Variants in NKAIN3 observed in about 807,000 individuals in gnomAD.
NKAIN3 encodes the protein sodium/potassium transporting ATPase interacting 3, also known as sodium/potassium-transporting ATPase subunit beta-1-interacting protein 3.
In NKAIN3, 25 loss-of-function variants were observed where a neutral mutation model predicts 30.2. The ratio of observed to expected loss-of-function variants is 0.83; its 90% CI spans 0.60 to 1.16. NKAIN3 has a LOEUF of 1.16. Among genes scored for constraint, NKAIN3 ranks in the 50% most tolerant of loss-of-function variants. The pLI is 0.00. For synonymous variants in NKAIN3, 91 were observed against 89.6 expected (o/e 1.02, Z -0.09); for missense variants, 225 against 254.1 (o/e 0.89, Z 0.78).
At chr8:62,694,283 C>T (rs1348332638) in intron 3 of NKAIN3, among the ~76,000 whole-genome samples, 1 of 152,016 alleles carries the variant, frequency 6.6e-6, no homozygotes, top group African/African-American at 2.4e-5. Context: ...TTCACAATAG[C>T]CAAGATATGG....
intron 4 of NKAIN3, among the ~76,000 whole-genome samples, chr8:62,904,878 T>C (rs1821731464): frequency 6.6e-6 from 1 of 152,168 alleles, no homozygotes; most frequent in Non-Finnish European, 1.5e-5. Flanking sequence ...ATGTGCCTTA[T>C]TCAAGGAGTA....
chr8:62,495,257 G>A (rs994133265), intron 1 of NKAIN3, among the ~76,000 whole-genome samples: 6 of 152,042 alleles, frequency 3.9e-5, no homozygotes, highest in Admixed American at 3.3e-4. Flanking sequence ...AGATTTAAAT[G>A]AGGAATTGAA....
chr8:62,371,096 A>G (rs1816893627), intron 1 of NKAIN3, among the ~76,000 whole-genome samples: 1 of 151,866 alleles, frequency 6.6e-6, no homozygotes, highest in African/African-American at 2.4e-5. Context: ...ATGTCTTGCC[A>G]TGTCATCTTA....
rs1263879684 is a variant in NKAIN3, at chr8:62,867,093, T to C, written c.472-51360T>C. On this transcript the variant is annotated intron_variant, in intron 4 of 6. Transcript: ENST00000623646. ...AATTAAACTGTTTTGTTTTGCTTTG[T>C]TTCCAGAAAAAAAAAAAAAAAAGAA... Among the ~76,000 whole-genome samples the C allele has an allele frequency of 6.0e-5, 6 of 99,914 alleles. No homozygotes were observed. The East Asian group carries it at 1.1e-3, about 19-fold the overall frequency. The allele number at this position is 99,914 out of a possible 152,430, so 65.5% of individuals were successfully genotyped here.
intron 3 of NKAIN3, among the ~76,000 whole-genome samples, chr8:62,741,709 G>T (rs1377372992): frequency 6.6e-6 from 1 of 152,134 alleles, no homozygotes; most frequent in Non-Finnish European, 1.5e-5. Flanking sequence ...AACTCTAATT[G>T]CAGCTTTGTG....
intron 1 of NKAIN3, among the ~76,000 whole-genome samples, chr8:62,311,188 T>C (rs1274171011): frequency 2.0e-5 from 3 of 150,630 alleles, no homozygotes; most frequent in Admixed American, 2.0e-4. Flanking sequence ...ATTTGATTGT[T>C]TTCTGACATT....
chr8:62,713,514 T>A (rs894338443), intron 3 of NKAIN3, among the ~76,000 whole-genome samples: 2 of 152,258 alleles, frequency 1.3e-5, no homozygotes, highest in Non-Finnish European at 2.9e-5. Context: ...ATTTTATCTA[T>A]CCCTGTGTTC....
chr8:62,381,688 CTT>C, intron 1 of NKAIN3, among the ~76,000 whole-genome samples: 1 of 152,214 alleles, frequency 6.6e-6, no homozygotes, highest in East Asian at 1.9e-4. Context: ...AGTGGAGAGA[CTT>C]TGATCTACAG....
intron 3 of NKAIN3, among the ~76,000 whole-genome samples, chr8:62,665,678 C>T (rs144554343): frequency 0.013 from 1,934 of 152,216 alleles, 16 homozygotes; most frequent in Non-Finnish European, 0.02. Context: ...ATATAGCCTT[C>T]CCAGTATAGG....
intron 4 of NKAIN3, among the ~76,000 whole-genome samples, chr8:62,848,555 T>G (rs1318063548): frequency 1.3e-5 from 2 of 152,180 alleles, no homozygotes; most frequent in African/African-American, 4.8e-5. Context: ...CTTATCAGCT[T>G]AAGAAGCTTC....
chr8:62,734,735 A>G (rs1447222607), intron 3 of NKAIN3, among the ~76,000 whole-genome samples: 1 of 152,236 alleles, frequency 6.6e-6, no homozygotes, highest in Admixed American at 6.5e-5. Flanking sequence ...GAAAGGCAAG[A>G]AAGATAAATG....
chr8:62,838,636 C>T (rs1478341139), intron 4 of NKAIN3, among the ~76,000 whole-genome samples: 2 of 152,054 alleles, frequency 1.3e-5, no homozygotes, highest in African/African-American at 4.8e-5. Context: ...GACTTATTGA[C>T]TCCATATACG....
In NKAIN3 at chr8:62,976,112, C is replaced by T. The variant is rs1333749170; in HGVS notation, c.*10705C>T. Among the ~76,000 whole-genome samples, 3 of 152,022 alleles carry T rather than the reference C, an allele frequency of 2.0e-5. No homozygotes were observed. Among genetic ancestry groups the T allele is most frequent in the East Asian group, 3.9e-4 (2 of 5,190 alleles). On this transcript the variant is annotated 3_prime_UTR_variant, in exon 7 of 7. Coordinates refer to ENST00000623646, the MANE Select transcript of NKAIN3 (RefSeq NM_001304533.3). ...AGTGTTTTACTTCCAGTTATGTGGT[C>T]GATTTTAGGAAAATGTGCTATGTGA...
chr8:62,974,056 TG>T lies in NKAIN3; in HGVS notation c.*8651del, dbSNP rs536557579. ...TTTTAGTAAAAGTACCATGTTGTTTTGGTTACTGTAGCCTTGTAGTATAGTT... is the reference window on the plus strand; with the variant it reads ...TTTTAGTAAAAGTACCATGTTGTTTTGTTACTGTAGCCTTGTAGTATAGTT... On this transcript the variant is annotated 3_prime_UTR_variant, in exon 7 of 7. Coordinates refer to ENST00000623646, the MANE Select transcript of NKAIN3 (RefSeq NM_001304533.3). 3.9e-5 allele frequency among the ~76,000 whole-genome samples: 6 copies of T among 152,354 alleles called. No individual in the cohort carries two copies. The South Asian group carries it at 1.2e-3, about 32-fold the overall frequency.
At chr8:62,960,895 A>G (rs1423973258) in intron 6 of NKAIN3, among the ~76,000 whole-genome samples, 1 of 151,950 alleles carries the variant, frequency 6.6e-6, no homozygotes, top group African/African-American at 2.4e-5. Context: ...GAGAGAGAGA[A>G]AAAGAGAAAG....
At chr8:62,839,510 G>T (rs980028440) in intron 4 of NKAIN3, among the ~76,000 whole-genome samples, 4 of 152,078 alleles carry the variant, frequency 2.6e-5, no homozygotes, top group Admixed American at 6.6e-5. Flanking sequence ...GAGACCTCAT[G>T]ATTTGGTATG....
intron 5 of NKAIN3, among the ~76,000 whole-genome samples, chr8:62,998,594 C>T (rs895714512): frequency 2.0e-5 from 3 of 152,148 alleles, no homozygotes; most frequent in South Asian, 2.1e-4. Context: ...TTTTCTATCA[C>T]TTGCACTATA....
At chr8:62,700,301 G>C (rs1586103874) in intron 3 of NKAIN3, among the ~76,000 whole-genome samples, 1 of 152,188 alleles carries the variant, frequency 6.6e-6, no homozygotes, top group South Asian at 2.1e-4. Context: ...AAGTTACACA[G>C]GGTAAAATAA....
intron 4 of NKAIN3, among the ~76,000 whole-genome samples, chr8:62,889,951 C>T (rs1821254600): frequency 6.6e-6 from 1 of 152,094 alleles, no homozygotes; most frequent in South Asian, 2.1e-4. Flanking sequence ...AACAAAGTTT[C>T]TCAATATGAT....
Sources: gnomAD v4.1 joint callset for allele counts (sites outside exome capture counted in the v4.1 genomes callset) on GRCh38, gnomAD v4.1.1 for gene constraint, MANE v1.5 for transcripts, NCBI Gene and HGNC (gene_info 2026-07-23, HGNC 2026-07-21) for gene names.